Variants in ARMC9 observed in about 807,000 individuals in gnomAD.
ARMC9 encodes lisH domain-containing protein ARMC9.
ARMC9 carries 94 observed loss-of-function variants against 107.0 expected under a neutral mutation model. That is an observed-to-expected ratio of 0.88 (90% CI 0.74 to 1.04). ARMC9 has a LOEUF of 1.04. Ranked by LOEUF, ARMC9 falls within the 50% of genes least tolerant of loss-of-function variation. ARMC9 has a pLI of 0.00. For missense variants in ARMC9, 942 were observed against 1,030.1 expected, an observed-to-expected ratio of 0.91 and a Z score of 1.17; for synonymous variants, 380 against 396.9, an observed-to-expected ratio of 0.96 and a Z score of 0.51.
chr2:231,292,993 C>T (rs915876115), intron 18 of ARMC9, among the ~76,000 whole-genome samples: 1 of 152,184 alleles, frequency 6.6e-6, no homozygotes, highest in African/African-American at 2.4e-5. Context: ...CAGCCAAGGG[C>T]AGAGCCTCAC....
At chr2:231,239,803 T>C in intron 8 of ARMC9, 140 bp from the exon 9 acceptor site, 1 of 710,262 alleles carries the variant, frequency 1.4e-6, no homozygotes. Context: ...AAGCAAATGA[T>C]TATTTTTCTG....
Position 231,200,958 on chromosome 2 carries a change from G to C in ARMC9, c.-42+2260G>C, listed in dbSNP as rs138978852. On this transcript the variant is annotated intron_variant, in intron 1 of 24. Coordinates refer to ENST00000611582, the MANE Select transcript of ARMC9 (RefSeq NM_001352754.2). ...ATCATGAGTCATGTTTGCCTGGGGG[G>C]GCAGAGCATACATCAACCACAGGCT... Among the ~76,000 whole-genome samples, 411 of 152,324 alleles carry C rather than the reference G, an allele frequency of 2.7e-3. 4 individuals are homozygous for C. The highest frequency in any genetic ancestry group is 9.4e-3 in the African/African-American group (390 of 41,578).
At chr2:231,318,724 G>A (rs1325909643) in intron 19 of ARMC9, among the ~76,000 whole-genome samples, 5 of 152,222 alleles carry the variant, frequency 3.3e-5, no homozygotes, top group African/African-American at 1.2e-4. Flanking sequence ...TCATTTTCCA[G>A]TGTCCTGGAA....
chr2:231,260,083 A>G (rs1268023379), intron 11 of ARMC9, among the ~76,000 whole-genome samples: 1 of 152,242 alleles, frequency 6.6e-6, no homozygotes, highest in Non-Finnish European at 1.5e-5. Flanking sequence ...ATGTTAACAT[A>G]AATAACATTT....
intron 23 of ARMC9, among the ~76,000 whole-genome samples, chr2:231,368,296 A>G (rs529607924): frequency 3.8e-4 from 58 of 152,306 alleles, no homozygotes; most frequent in African/African-American, 1.3e-3. Flanking sequence ...AGCCCCGCGT[A>G]TCTGTGAACT....
chr2:231,317,975 C>T (rs1182719916), intron 19 of ARMC9, among the ~76,000 whole-genome samples: 1 of 151,642 alleles, frequency 6.6e-6, no homozygotes, highest in East Asian at 1.9e-4. Context: ...TGTTTTTCTA[C>T]TAAATCTAAC....
chr2:231,210,484 A>G (rs2032667242), intron 3 of ARMC9, among the ~76,000 whole-genome samples: 1 of 152,232 alleles, frequency 6.6e-6, no homozygotes, highest in African/African-American at 2.4e-5. Context: ...AGTATAGGTG[A>G]GCATCTCTTA....
chr2:231,308,252 C>T (rs1411939898), intron 19 of ARMC9, among the ~76,000 whole-genome samples: 3 of 152,224 alleles, frequency 2.0e-5, no homozygotes, highest in African/African-American at 7.2e-5. Flanking sequence ...GGCTTTCTCC[C>T]GTGTATTCCC....
chr2:231,353,234 C>G (rs944318633), intron 21 of ARMC9, among the ~76,000 whole-genome samples: 2 of 130,046 alleles, frequency 1.5e-5, no homozygotes, highest in Non-Finnish European at 3.0e-5. Context: ...GTCAGCCAGG[C>G]TGGAGTGCAG....
At chr2:231,296,049 G>T (rs773808544) in intron 18 of ARMC9, 149 bp from the exon 19 acceptor site, 3 of 480,990 alleles carry the variant, frequency 6.2e-6, no homozygotes, top group Admixed American at 3.8e-5. Flanking sequence ...TGACTGAAAT[G>T]GTTGTGATTA....
chr2:231,273,101 C>T (rs752955049), intron 14 of ARMC9, 23 bp downstream of exon 14: 11 of 1,604,870 alleles, frequency 6.9e-6, no homozygotes, highest in South Asian at 6.7e-5. Flanking sequence ...CAATAGGTCA[C>T]GGTGTCTCCT....
intron 23 of ARMC9, among the ~76,000 whole-genome samples, chr2:231,363,306 C>A (rs1028290026): frequency 6.6e-6 from 1 of 152,238 alleles, no homozygotes; most frequent in African/African-American, 2.4e-5. Flanking sequence ...GAGCTCTGTT[C>A]TCTTGCTCTT....
chr2:231,263,324 A>G (rs1185683635), intron 12 of ARMC9, among the ~76,000 whole-genome samples: 2 of 152,198 alleles, frequency 1.3e-5, no homozygotes, highest in African/African-American at 2.4e-5. Flanking sequence ...TTTATAAACA[A>G]TCCAAGGGTA....
intron 23 of ARMC9, among the ~76,000 whole-genome samples, chr2:231,361,755 G>A (rs1559505779): frequency 6.6e-6 from 1 of 152,150 alleles, no homozygotes; most frequent in South Asian, 2.1e-4. Flanking sequence ...AACCTCCTGC[G>A]GTAAAATATG....
chr2:231,239,929 T>C lies in ARMC9; in HGVS notation c.781-14T>C. The C allele has an allele frequency of 6.2e-7, 1 of 1,609,482 alleles. No homozygotes were observed. Among genetic ancestry groups the C allele is most frequent in the Non-Finnish European group, 8.5e-7 (1 of 1,176,020 alleles). ...TTCATGCCATCACCAGATGTCTTTG[T>C]ATCCTCCTTGCAGATCACCCCTGAG... On this transcript the variant is annotated splice_polypyrimidine_tract_variant and intron_variant, in intron 8 of 24. Transcript: ENST00000611582.
At chr2:231,315,315 G>A (rs1326982008) in intron 19 of ARMC9, among the ~76,000 whole-genome samples, 1 of 151,066 alleles carries the variant, frequency 6.6e-6, no homozygotes, top group Non-Finnish European at 1.5e-5. Context: ...AAGGTGGGCA[G>A]ATCACGAAGT....
intron 17 of ARMC9, 113 bp from the exon 18 acceptor site, chr2:231,291,240 C>A (rs1349441837): frequency 3.8e-6 from 3 of 787,114 alleles, no homozygotes; most frequent in Non-Finnish European, 6.4e-6. Context: ...CCCAAGGTAT[C>A]CTCTTCCTCT....
intron 20 of ARMC9, among the ~76,000 whole-genome samples, chr2:231,340,665 T>A (rs1411573542): frequency 2.6e-5 from 4 of 152,126 alleles, no homozygotes; most frequent in African/African-American, 9.7e-5. Flanking sequence ...GGCAAGTGGA[T>A]CACCTGAGGT....
intron 19 of ARMC9, among the ~76,000 whole-genome samples, chr2:231,298,981 A>AT (rs1217095104): frequency 6.6e-6 from 1 of 152,152 alleles, no homozygotes; most frequent in Non-Finnish European, 1.5e-5. Flanking sequence ...ACCAGGGTAA[A>AT]TTATGCTCAC....
Sources: gnomAD v4.1 joint callset for allele counts (sites outside exome capture counted in the v4.1 genomes callset) on GRCh38, gnomAD v4.1.1 for gene constraint, MANE v1.5 for transcripts, NCBI Gene and HGNC (gene_info 2026-07-23, HGNC 2026-07-21) for gene names.